Variants in BICC1 observed in about 807,000 individuals in gnomAD.
The protein encoded by BICC1 is protein bicaudal C homolog 1.
In BICC1, 43 loss-of-function variants were observed where a neutral mutation model predicts 111.0. The ratio of observed to expected loss-of-function variants is 0.39; its 90% CI spans 0.30 to 0.50. BICC1 has a LOEUF of 0.50. Among genes scored for constraint, BICC1 ranks in the 20% least tolerant of loss-of-function variants. BICC1 has a pLI of 0.88. For missense variants in BICC1, 1,091 were observed against 1,203.2 expected, an observed-to-expected ratio of 0.91 and a Z score of 1.38; for synonymous variants, 467 against 434.4, an observed-to-expected ratio of 1.07 and a Z score of -0.93.
intron 3 of BICC1, among the ~76,000 whole-genome samples, chr10:58,767,920 A>G (rs1157446027): frequency 6.6e-6 from 1 of 152,104 alleles, no homozygotes; most frequent in Non-Finnish European, 1.5e-5. Context: ...ATCTAGTCAG[A>G]GAAGGAAAAA....
chr10:58,806,938 T>A (rs1458120883), intron 16 of BICC1, 66 bp from the exon 17 acceptor site: 1 of 1,404,812 alleles, frequency 7.1e-7, no homozygotes, highest in East Asian at 2.3e-5. Flanking sequence ...ACGACACTTA[T>A]CATCAGTATT....
intron 1 of BICC1, among the ~76,000 whole-genome samples, chr10:58,578,313 A>G (rs1379016505): frequency 6.6e-6 from 1 of 152,168 alleles, no homozygotes; most frequent in Non-Finnish European, 1.5e-5. Flanking sequence ...GACTTTAGTC[A>G]AAGAATCTCT....
chr10:58,633,080 A>G (rs1017406063), intron 2 of BICC1, among the ~76,000 whole-genome samples: 1 of 152,120 alleles, frequency 6.6e-6, no homozygotes, highest in African/African-American at 2.4e-5. Context: ...CCAGGTGGAG[A>G]TAACTGAATC....
At chr10:58,655,356 C>A (rs1041434094) in intron 2 of BICC1, among the ~76,000 whole-genome samples, 1 of 134,238 alleles carries the variant, frequency 7.4e-6, no homozygotes, top group East Asian at 2.2e-4. Context: ...TCTTTTATTT[C>A]ATTGAGCAGT....
chr10:58,825,128 T>C (rs2132989775), intron 20 of BICC1, among the ~76,000 whole-genome samples: 1 of 152,224 alleles, frequency 6.6e-6, no homozygotes, highest in East Asian at 1.9e-4. Flanking sequence ...GCTGATATGA[T>C]TTTTTTACTA....
rs1840876546 is a variant in BICC1 at position 58,719,598 on chromosome 10, A to C, written c.307+17455A>C. 2.6e-5 allele frequency among the ~76,000 whole-genome samples: 4 copies of C among 151,696 alleles called. No individual in the cohort carries two copies. The South Asian group carries it at 8.3e-4, about 32-fold the overall frequency. The stretch of plus-strand genomic sequence containing the variant: ...CTCGGCTCACTGCAAGCTCCGCCTC[A>C]TTTGGGCACTTTTCATGCTTGTATT... On this transcript the variant is annotated intron_variant, in intron 3 of 20. Coordinates refer to ENST00000373886, the MANE Select transcript of BICC1 (RefSeq NM_001080512.3).
chr10:58,597,555 G>A (rs1019230654), intron 1 of BICC1, among the ~76,000 whole-genome samples: 1 of 152,094 alleles, frequency 6.6e-6, no homozygotes, highest in African/African-American at 2.4e-5. Context: ...GAACCAGTGT[G>A]ACCACAAATT....
chr10:58,547,587 C>T lies in BICC1; in HGVS notation c.190+34254C>T, dbSNP rs141474325. Among the ~76,000 whole-genome samples the T allele has an allele frequency of 9.3e-3, 1,420 of 152,246 alleles. 13 individuals carry two copies. The highest frequency in any genetic ancestry group is 0.016 in the Non-Finnish European group (1,059 of 68,018). ...TGTGAGTAGGAGTCATGCTGCACTT[C>T]TGTGAGAGGAGAGTATCTACATCAA... is the stretch of plus-strand genomic sequence containing the variant. On this transcript the variant is annotated intron_variant, in intron 1 of 20. Transcript: ENST00000373886.
chr10:58,584,997 T>A (rs753432475), intron 1 of BICC1, among the ~76,000 whole-genome samples: 20 of 152,188 alleles, frequency 1.3e-4, no homozygotes, highest in Non-Finnish European at 2.8e-4. Flanking sequence ...CTCAGCTGTT[T>A]AGTGATTAAT....
At chr10:58,818,269 A>G (rs915387372) in intron 19 of BICC1, among the ~76,000 whole-genome samples, 4 of 152,154 alleles carry the variant, frequency 2.6e-5, no homozygotes, top group African/African-American at 9.7e-5. Context: ...CTACTGAACA[A>G]TCATGACCAT....
chr10:58,595,665 A>G (rs1253083305), intron 1 of BICC1, among the ~76,000 whole-genome samples: 2 of 152,202 alleles, frequency 1.3e-5, no homozygotes, highest in African/African-American at 2.4e-5. Flanking sequence ...TTTGAAACCA[A>G]TGAGAATGAA....
At chr10:58,813,628 CA>C (rs1843985410) in intron 17 of BICC1, among the ~76,000 whole-genome samples, 2 of 152,142 alleles carry the variant, frequency 1.3e-5, no homozygotes, top group African/African-American at 4.8e-5. Context: ...CTTCACTGTG[CA>C]AATTACCAAG....
intron 5 of BICC1, among the ~76,000 whole-genome samples, chr10:58,787,694 T>C (rs1843051940): frequency 6.6e-6 from 1 of 152,212 alleles, no homozygotes; most frequent in Non-Finnish European, 1.5e-5. Flanking sequence ...CAAAGATGAA[T>C]AGTCTTTTCT....
At chr10:58,523,684 G>C (rs1419498743) in intron 1 of BICC1, among the ~76,000 whole-genome samples, 1 of 152,116 alleles carries the variant, frequency 6.6e-6, no homozygotes, top group African/African-American at 2.4e-5. Flanking sequence ...ATTCAACATA[G>C]TGTTGGAAGT....
intron 2 of BICC1, among the ~76,000 whole-genome samples, chr10:58,633,536 A>G (rs945135062): frequency 6.6e-6 from 1 of 152,224 alleles, no homozygotes; most frequent in Non-Finnish European, 1.5e-5. Context: ...ATGAGTTTTC[A>G]GCTATTGTGA....
In BICC1 at chr10:58,787,126, C is replaced by G. The variant is rs1843032565; in HGVS notation, c.546+45C>G. The G allele has an allele frequency of 2.0e-6, 3 of 1,469,886 alleles. No homozygotes were observed. In the Admixed American group the frequency reaches 7.8e-5, roughly 38 times the overall value. The allele number at this position is 1,469,886 out of a possible 1,614,324, so 91.1% of individuals were successfully genotyped here. ...GAACTTTTATGGGATGAATTACAGC[C>G]TTAATTTAATTTTCAGTTTGCCTAT... On this transcript the variant is annotated intron_variant, in intron 5 of 20. Transcript: ENST00000373886.
intron 1 of BICC1, among the ~76,000 whole-genome samples, chr10:58,563,021 T>C (rs540897627): frequency 2.7e-4 from 41 of 152,272 alleles, no homozygotes; most frequent in African/African-American, 9.1e-4. Flanking sequence ...CTCCTCTCTA[T>C]GCTGGGCCAC....
intron 3 of BICC1, among the ~76,000 whole-genome samples, chr10:58,752,280 T>G (rs558859206): frequency 6.6e-6 from 1 of 152,220 alleles, no homozygotes; most frequent in Admixed American, 6.5e-5. Flanking sequence ...TCAGCGCGTA[T>G]TGATGGCATT....
chr10:58,752,105 AAGGAGAGAATG>A (rs1842006486), intron 3 of BICC1, among the ~76,000 whole-genome samples: 6 of 152,248 alleles, frequency 3.9e-5, no homozygotes. Context: ...CTCTTCAGCT[AAGGAGAGAATG>A]TGGAAAAAAC....
Sources: gnomAD v4.1 joint callset for allele counts (sites outside exome capture counted in the v4.1 genomes callset) on GRCh38, gnomAD v4.1.1 for gene constraint, MANE v1.5 for transcripts, NCBI Gene and HGNC (gene_info 2026-07-23, HGNC 2026-07-21) for gene names.